The following ITGBL1 variants were observed in gnomAD, a reference collection of about 807,000 sequenced individuals.
ITGBL1 encodes integrin subunit beta like 1.
In ITGBL1, 51 loss-of-function variants were observed where a neutral mutation model predicts 68.5. The observed-to-expected ratio is 0.74, with a 90% CI of 0.59 to 0.94. The LOEUF (loss-of-function observed/expected upper bound fraction) is 0.94, where lower values mean the gene tolerates loss of function less well. ITGBL1 is among the 40% of genes least tolerant of loss of function. ITGBL1 has a pLI of 0.00. For missense variants in ITGBL1, 649 were observed against 647.4 expected (o/e 1.00, Z -0.03); for synonymous variants, 209 against 227.3 (o/e 0.92, Z 0.72).
intron 2 of ITGBL1, among the ~76,000 whole-genome samples, chr13:101,502,620 A>C (rs180968388): frequency 3.9e-5 from 6 of 152,316 alleles, no homozygotes; most frequent in Admixed American, 3.9e-4. Context: ...AGGCTGGTTC[A>C]TACATTTACT....
chr13:101,519,431 G>A (rs973275257), intron 2 of ITGBL1, among the ~76,000 whole-genome samples: 2 of 152,032 alleles, frequency 1.3e-5, no homozygotes, highest in Non-Finnish European at 2.9e-5. Flanking sequence ...ATTGGCTACG[G>A]TACTGCCAAG....
chr13:101,548,684 C>T (rs2049868845), intron 2 of ITGBL1, among the ~76,000 whole-genome samples: 1 of 151,556 alleles, frequency 6.6e-6, no homozygotes, highest in Non-Finnish European at 1.5e-5. Flanking sequence ...CTATCATTAA[C>T]TTGATAAAGA....
chr13:101,476,784 A>G (rs1950553756), intron 2 of ITGBL1, among the ~76,000 whole-genome samples: 1 of 152,196 alleles, frequency 6.6e-6, no homozygotes, highest in African/African-American at 2.4e-5. Context: ...GAGTCAACTC[A>G]GCAAGAAGTT....
intron 7 of ITGBL1, among the ~76,000 whole-genome samples, chr13:101,673,477 A>G (rs899385219): frequency 1.3e-5 from 2 of 152,174 alleles, no homozygotes; most frequent in South Asian, 2.1e-4. Context: ...TATTGCCAAT[A>G]ATACATGCTG....
intron 2 of ITGBL1, among the ~76,000 whole-genome samples, chr13:101,479,981 A>G (rs75125547): frequency 0.036 from 5,450 of 152,184 alleles, 316 homozygotes; most frequent in African/African-American, 0.12. Flanking sequence ...ACCGAAAAGA[A>G]AAGAAATCAG....
At chr13:101,579,799 G>A (rs192272849) in intron 5 of ITGBL1, among the ~76,000 whole-genome samples, 280 of 152,196 alleles carry the variant, frequency 1.8e-3, no homozygotes, top group South Asian at 2.9e-3. Flanking sequence ...CTAATTATCC[G>A]TAGAGAATTC....
intron 7 of ITGBL1, among the ~76,000 whole-genome samples, chr13:101,689,141 G>A (rs1373314019): frequency 7.0e-6 from 1 of 143,656 alleles, no homozygotes; most frequent in Non-Finnish European, 1.5e-5. Flanking sequence ...GGAGACAGAG[G>A]TTGCAGTGAC....
chr13:101,544,592 G>A (rs1462520359), intron 2 of ITGBL1, among the ~76,000 whole-genome samples: 1 of 152,190 alleles, frequency 6.6e-6, no homozygotes, highest in African/African-American at 2.4e-5. Flanking sequence ...ATCAGACAGG[G>A]ACATTTAAGT....
chr13:101,625,851 G>A (rs968860799), intron 7 of ITGBL1, among the ~76,000 whole-genome samples: 1 of 152,176 alleles, frequency 6.6e-6, no homozygotes, highest in African/African-American at 2.4e-5. Flanking sequence ...ACCGCACCCG[G>A]CCAGTAATGG....
intron 7 of ITGBL1, among the ~76,000 whole-genome samples, chr13:101,627,632 A>G (rs904959340): frequency 1.3e-5 from 2 of 151,998 alleles, no homozygotes; most frequent in Admixed American, 1.3e-4. Flanking sequence ...CTCTCTCCCT[A>G]CAACCCCTGG....
chr13:101,631,422 C>G (rs1421188574), intron 7 of ITGBL1, among the ~76,000 whole-genome samples: 1 of 151,282 alleles, frequency 6.6e-6, no homozygotes, highest in Non-Finnish European at 1.5e-5. Context: ...GATGTTAAGT[C>G]TATATCTCAT....
chr13:101,601,601 C>T (rs1420095026), intron 7 of ITGBL1, among the ~76,000 whole-genome samples: 1 of 152,152 alleles, frequency 6.6e-6, no homozygotes, highest in Non-Finnish European at 1.5e-5. Flanking sequence ...CTACACACTG[C>T]TTTGAATGTG....
At chr13:101,522,773 A>T (rs997513060) in intron 2 of ITGBL1, among the ~76,000 whole-genome samples, 1 of 152,172 alleles carries the variant, frequency 6.6e-6, no homozygotes, top group Non-Finnish European at 1.5e-5. Context: ...AAATGATGAC[A>T]AGTCAGATTT....
chr13:101,655,341 A>G (rs4772405), intron 7 of ITGBL1, among the ~76,000 whole-genome samples: 24,209 of 152,178 alleles, frequency 0.16, 1,974 homozygotes, highest in Middle Eastern at 0.2. Flanking sequence ...GTTGCCAGAC[A>G]TGCACATTTA....
chr13:101,718,746 C>T (rs1445530584), downstream of ITGBL1: 2 of 150,534 alleles, frequency 1.3e-5, no homozygotes, highest in African/African-American at 4.9e-5. Context: ...CAATCTCTGC[C>T]AGTAGACATT....
In ITGBL1 at chr13:101,605,084, GTA is replaced by G. The variant is rs559437381; in HGVS notation, c.1015+6789_1015+6790del. 1.8e-3 allele frequency among the ~76,000 whole-genome samples: 261 copies of G among 143,456 alleles called. 1 individual carries two copies. Among genetic ancestry groups the G allele is most frequent in the African/African-American group, 6.4e-3 (248 of 38,548 alleles). The allele number at this position is 143,456 out of a possible 152,430, so 94.1% of individuals were successfully genotyped here. A position where few individuals can be genotyped will look rare whatever the true frequency, so the allele number is the denominator to read the frequency against. On this transcript the variant is annotated intron_variant, in intron 7 of 10. Transcript: ENST00000376180. ...TGTATATGTGTATATACATATATGC[GTA>G]TATGTGTATATGTGTATATATGTAT...
rs562666858 is a variant in ITGBL1 at position 101,460,120 on chromosome 13, C to T, written c.316+6020C>T. The stretch of plus-strand genomic sequence containing the variant: ...TTCTATTTTTCATCTTCTCTCCCTT[C>T]CTTCAATCCTCATCCTGTCTTCCTT... On this transcript the variant is annotated intron_variant, in intron 2 of 10. Transcript: ENST00000376180. 2.6e-5 allele frequency among the ~76,000 whole-genome samples: 4 copies of T among 152,272 alleles called. No individual in the cohort carries two copies. The South Asian group carries it at 8.3e-4, about 32-fold the overall frequency.
Position 101,634,575 on chromosome 13 carries a change from C to T in ITGBL1, c.1015+36276C>T, listed in dbSNP as rs573919546. Among the ~76,000 whole-genome samples, 9 of 152,230 alleles carry T rather than the reference C, an allele frequency of 5.9e-5. No individual in the cohort carries two copies. In the East Asian group the frequency reaches 1.7e-3, roughly 29 times the overall value. On this transcript the variant is annotated intron_variant, in intron 7 of 10. Coordinates refer to ENST00000376180, the MANE Select transcript of ITGBL1 (RefSeq NM_004791.3). ...AAGAAAGTTTTGAGAATCCACTGGG[C>T]TAGTCATTTGGGACTAGCTTTCTTA...
chr13:101,699,543 C>G (rs1479639715), intron 8 of ITGBL1, among the ~76,000 whole-genome samples: 3 of 152,112 alleles, frequency 2.0e-5, no homozygotes, highest in African/African-American at 7.2e-5. Context: ...AGGGGCTTCC[C>G]CCTTCACTCG....
Sources: gnomAD v4.1 joint callset for allele counts (sites outside exome capture counted in the v4.1 genomes callset) on GRCh38, gnomAD v4.1.1 for gene constraint, MANE v1.5 for transcripts, NCBI Gene and HGNC (gene_info 2026-07-23, HGNC 2026-07-21) for gene names.